The following DNAH14 variants were observed in gnomAD, a reference collection of about 807,000 sequenced individuals.
DNAH14 encodes the protein dynein axonemal heavy chain 14.
Under a neutral mutation model 520.9 loss-of-function variants are expected in DNAH14, and 478 were observed. The ratio of observed to expected loss-of-function variants is 0.92; its 90% CI spans 0.85 to 0.99. The LOEUF (loss-of-function observed/expected upper bound fraction) is 0.99, where lower values mean the gene tolerates loss of function less well. Among genes scored for constraint, DNAH14 ranks in the 50% least tolerant of loss-of-function variants. The pLI is 0.00. For missense variants in DNAH14, 4,831 were observed against 5,234.5 expected (o/e 0.92, Z 2.38); for synonymous variants, 1,581 against 1,757.2 (o/e 0.90, Z 2.51).
At chr1:225,068,709 A>G (rs1016662132) in intron 17 of DNAH14, among the ~76,000 whole-genome samples, 9 of 152,080 alleles carry the variant, frequency 5.9e-5, no homozygotes, top group Non-Finnish European at 1.2e-4. Context: ...TTTTGTGGCA[A>G]TTGTGAATGG....
At chr1:225,341,268 C>T (rs1001019996) in intron 69 of DNAH14, among the ~76,000 whole-genome samples, 1 of 152,068 alleles carries the variant, frequency 6.6e-6, no homozygotes, top group Non-Finnish European at 1.5e-5. Context: ...CCACACCCGA[C>T]TTAATAACTA....
At chr1:225,090,644 G>C (rs1344559437) in intron 21 of DNAH14, among the ~76,000 whole-genome samples, 1 of 152,124 alleles carries the variant, frequency 6.6e-6, no homozygotes, top group Non-Finnish European at 1.5e-5. Context: ...TAAAGAAATT[G>C]TGCTAGCATA....
At chr1:225,172,527 A>C (rs1263078931) in intron 36 of DNAH14, among the ~76,000 whole-genome samples, 1 of 152,192 alleles carries the variant, frequency 6.6e-6, no homozygotes, top group Non-Finnish European at 1.5e-5. Context: ...CTTCAAAGAG[A>C]ATAAAGTACC....
At chr1:224,979,336 CA>C (rs1447516299) in intron 8 of DNAH14, among the ~76,000 whole-genome samples, 1 of 152,132 alleles carries the variant, frequency 6.6e-6, no homozygotes, top group African/African-American at 2.4e-5. Flanking sequence ...AGGGAGAGTG[CA>C]GTGCTTGTGG....
In DNAH14 at chr1:225,050,328, G is replaced by A. The variant is rs2068420324; in HGVS notation, c.2031G>A (p.Trp677Ter). 1 of 1,547,388 alleles carries A rather than the reference G, an allele frequency of 6.5e-7. No homozygotes were observed. Among genetic ancestry groups the A allele is most frequent in the South Asian group, 1.2e-5 (1 of 82,438 alleles). ...TACATTATAAAGAGCAGACCAGATG[G>A]CCAGATTGTCACATCCTTTTTGAAA... ...SIIHYKEQTR[W>*]PDCHILFETD... Residue 677 changes from tryptophan (W) to a stop codon, truncating the protein, a stop_gained, in exon 16 of 86, where the codon TGG becomes TGA. Coordinates refer to ENST00000682510, the MANE Select transcript of DNAH14 (RefSeq NM_001367479.1). LOFTEE classifies it high-confidence loss of function.
In DNAH14 at chr1:224,945,695, T is replaced by C. The variant is rs7416360; in HGVS notation, c.-33-6975T>C. Among the ~76,000 whole-genome samples, 3 of 152,396 alleles carry C rather than the reference T, an allele frequency of 2.0e-5. No homozygotes were observed. The East Asian group carries it at 5.8e-4, about 29-fold the overall frequency. On this transcript the variant is annotated intron_variant, in intron 1 of 85. Transcript: ENST00000682510. ...TGTGGATGTCCTTTCTGTTTGTTAG[T>C]TTTCCTTCCAACAGTCAGGACCCTC...
chr1:225,290,504 G>A (rs1286218558), intron 55 of DNAH14, among the ~76,000 whole-genome samples: 1 of 150,724 alleles, frequency 6.6e-6, no homozygotes, highest in African/African-American at 2.4e-5. Flanking sequence ...CAGCATCCAG[G>A]CTTCTGTTTC....
chr1:225,269,201 C>A (rs2149816768), intron 49 of DNAH14, among the ~76,000 whole-genome samples: 1 of 152,280 alleles, frequency 6.6e-6, no homozygotes, highest in African/African-American at 2.4e-5. Context: ...TGATCTTTGA[C>A]AAACCTGACA....
chr1:225,364,719 A>G, intron 75 of DNAH14, 73 bp from the exon 76 acceptor site: 1 of 1,110,580 alleles, frequency 9.0e-7, no homozygotes, highest in Non-Finnish European at 1.3e-6. Flanking sequence ...CAAACAGTGA[A>G]ATGCTATGAT....
At chr1:225,301,708 AG>A (rs1240194250) in intron 56 of DNAH14, among the ~76,000 whole-genome samples, 1 of 152,134 alleles carries the variant, frequency 6.6e-6, no homozygotes, top group African/African-American at 2.4e-5. Flanking sequence ...TGTCTATCAT[AG>A]GGCAATTTAA....
chr1:225,164,929 T>G (rs2149178697), intron 35 of DNAH14, among the ~76,000 whole-genome samples: 1 of 152,228 alleles, frequency 6.6e-6, no homozygotes, highest in South Asian at 2.1e-4. Flanking sequence ...AATAGTAAAC[T>G]CATAAGAAAT....
Position 225,364,855 on chromosome 1 carries a change from C to G in DNAH14, c.12051C>G (p.Tyr4017Ter), listed in dbSNP as rs1228033405. 1 of 1,548,514 alleles carries G rather than the reference C, an allele frequency of 6.5e-7. No homozygotes were observed. The highest frequency in any genetic ancestry group is 8.7e-7 in the Non-Finnish European group (1 of 1,145,806). ...EFRLWLSSKSYSSFPIPVLKK... is the reference protein window; with the variant it reads ...EFRLWLSSKS ...GGCTATGGTTAAGCTCAAAATCATA[C>G]AGTTCTTTTCCAATTCCTGTTCTTA... The change falls in exon 76 of 86, where the codon TAC (tyrosine) becomes TAG (stop). Residue 4017 changes from tyrosine (Y) to a stop codon, truncating the protein, a stop_gained. Transcript: ENST00000682510. LOFTEE classifies it high-confidence loss of function.
chr1:225,080,367 C>A lies in DNAH14; in HGVS notation c.2767-12C>A. On this transcript the variant is annotated splice_polypyrimidine_tract_variant and intron_variant, in intron 18 of 85. Coordinates refer to ENST00000682510, the MANE Select transcript of DNAH14 (RefSeq NM_001367479.1). ...CTGATTTCTCTTAGAAAGTCCTACT[C>A]TTATTTTTTAGATAAGAACTCCTCT... 1 of 1,507,984 alleles carries A rather than the reference C, an allele frequency of 6.6e-7. No homozygotes were observed. Among genetic ancestry groups the A allele is most frequent in the South Asian group, 1.3e-5 (1 of 74,502 alleles). 93.4% of individuals were successfully genotyped at this position (1,507,984 alleles called of 1,614,324 possible).
At chr1:225,322,319 C>A (rs2094573563) in intron 61 of DNAH14, among the ~76,000 whole-genome samples, 1 of 151,840 alleles carries the variant, frequency 6.6e-6, no homozygotes, top group Non-Finnish European at 1.5e-5. Context: ...GAACTCCTGA[C>A]CCCAAGTGAT....
chr1:225,358,688 G>A, intron 74 of DNAH14, 36 bp downstream of exon 74: 2 of 1,530,374 alleles, frequency 1.3e-6, no homozygotes, highest in Admixed American at 2.2e-5. Context: ...TGATCGATAT[G>A]GTTTGGCTCT....
chr1:225,069,598 G>A (rs1261923540), intron 17 of DNAH14, among the ~76,000 whole-genome samples: 1 of 152,098 alleles, frequency 6.6e-6, no homozygotes, highest in African/African-American at 2.4e-5. Context: ...AGTGCTGCTG[G>A]ATTCAGTTTC....
rs191968010 is a variant in DNAH14, at chr1:225,207,110, G to A, written c.6329G>A (p.Arg2110His). 1.4e-4 allele frequency: 213 copies of A among 1,550,942 alleles called. No individual in the cohort carries two copies. In the Admixed American group the frequency reaches 3.7e-3, roughly 27 times the overall value. Residue 2110 changes from arginine to histidine, a missense_variant, in exon 41 of 86, where the codon CGT (arginine) becomes CAT (histidine). Coordinates refer to ENST00000682510, the MANE Select transcript of DNAH14 (RefSeq NM_001367479.1). ...VTDGLQFIRN[R>H]QKFQPYPMED... The stretch of plus-strand genomic sequence containing the variant: ...GACGGACTACAATTTATAAGGAATC[G>A]TCAGAAATTTCAGCCATATCCTATG...
intron 84 of DNAH14, among the ~76,000 whole-genome samples, chr1:225,395,256 T>C (rs1245828217): frequency 6.6e-6 from 1 of 152,214 alleles, no homozygotes; most frequent in Non-Finnish European, 1.5e-5. Context: ...TTAATTGTAA[T>C]ATTTTATTCA....
chr1:224,953,401 T>A (rs964425364), intron 2 of DNAH14, among the ~76,000 whole-genome samples: 1 of 152,088 alleles, frequency 6.6e-6, no homozygotes, highest in Non-Finnish European at 1.5e-5. Flanking sequence ...TACGATTTTT[T>A]AAAATGATGT....
Sources: allele counts gnomAD v4.1 joint callset (sites outside exome capture counted in the v4.1 genomes callset), GRCh38; gene constraint gnomAD v4.1.1; transcripts MANE v1.5; gene names NCBI Gene and HGNC (gene_info 2026-07-23, HGNC 2026-07-21).